The following ALG6 variants were observed in gnomAD, a reference collection of about 807,000 sequenced individuals.
ALG6 encodes the protein dolichyl pyrophosphate Man9GlcNAc2 alpha-1,3-glucosyltransferase.
ALG6 carries 46 observed loss-of-function variants against 66.6 expected under a neutral mutation model. The ratio of observed to expected loss-of-function variants is 0.69; its 90% CI spans 0.55 to 0.88. The LOEUF (loss-of-function observed/expected upper bound fraction) is 0.88. Among genes scored for constraint, ALG6 ranks in the 40% least tolerant of loss-of-function variants. The pLI is 0.00. For missense variants in ALG6, 505 were observed against 586.8 expected, an observed-to-expected ratio of 0.86 and a Z score of 1.44; for synonymous variants, 185 against 203.7, an observed-to-expected ratio of 0.91 and a Z score of 0.78.
intron 2 of ALG6, among the ~76,000 whole-genome samples, chr1:63,394,758 G>A (rs1648769979): frequency 6.6e-6 from 1 of 152,164 alleles, no homozygotes; most frequent in Non-Finnish European, 1.5e-5. Flanking sequence ...CATGGATTAT[G>A]GAGCCAGTCT....
chr1:63,399,152 C>T (rs977094018), intron 3 of ALG6, among the ~76,000 whole-genome samples: 1 of 152,130 alleles, frequency 6.6e-6, no homozygotes, highest in Non-Finnish European at 1.5e-5. Context: ...TGTTGGGAGC[C>T]ACTCTTGGCT....
chr1:63,400,119 G>A (rs1644439107), intron 3 of ALG6, among the ~76,000 whole-genome samples: 1 of 145,874 alleles, frequency 6.9e-6, no homozygotes, highest in African/African-American at 2.6e-5. Flanking sequence ...GCTTGAACCT[G>A]GGAGGCGGAG....
At chr1:63,406,499 GAGTAATT>G in intron 6 of ALG6, 100 bp downstream of exon 6, 1 of 994,936 alleles carries the variant, frequency 1.0e-6, no homozygotes, top group South Asian at 1.3e-5. Context: ...TTTGGAAAGA[GAGTAATT>G]AGGAATATTG....
At chr1:63,380,285 A>G (rs547383980) in intron 2 of ALG6, among the ~76,000 whole-genome samples, 1 of 152,314 alleles carries the variant, frequency 6.6e-6, no homozygotes, top group South Asian at 2.1e-4. Flanking sequence ...CCAGACTGTA[A>G]TGAACTGAGG....
At chr1:63,430,589 A>AG (rs2100442277) in intron 14 of ALG6, among the ~76,000 whole-genome samples, 1 of 152,264 alleles carries the variant, frequency 6.6e-6, no homozygotes, top group Admixed American at 6.5e-5. Flanking sequence ...TAACCATCCT[A>AG]GTGGGTGTGA....
At chr1:63,402,463 T>A in intron 4 of ALG6, 120 bp downstream of exon 4, 6 of 358,552 alleles carry the variant, frequency 1.7e-5, no homozygotes, top group African/African-American at 2.4e-5. Flanking sequence ...CTATTGTATT[T>A]TTTTTTTTTT....
intron 12 of ALG6, among the ~76,000 whole-genome samples, chr1:63,420,122 T>C (rs1029296170): frequency 6.6e-6 from 1 of 152,146 alleles, no homozygotes; most frequent in Non-Finnish European, 1.5e-5. Flanking sequence ...CAATGACAAA[T>C]GGCAGGCAGT....
chr1:63,392,131 T>G (rs566390764), intron 2 of ALG6, among the ~76,000 whole-genome samples: 1 of 152,310 alleles, frequency 6.6e-6, no homozygotes, highest in East Asian at 1.9e-4. Flanking sequence ...CTGCTTAGTT[T>G]CTTTCTACTT....
In ALG6 at chr1:63,437,067, A is replaced by T. The variant is rs372767276; in HGVS notation, c.*47A>T. The stretch of plus-strand genomic sequence containing the variant: ...TTCCTAAACAAATGTGAAAATGTGA[A>T]CAGTGCTGAAAGGTTTTGTGAACTT... On this transcript the variant is annotated 3_prime_UTR_variant, in exon 15 of 15. Transcript: ENST00000263440. The T allele has an allele frequency of 2.1e-4, 331 of 1,549,158 alleles. 1 individual carries two copies. Among genetic ancestry groups the T allele is most frequent in the Middle Eastern group, 1.7e-4 (1 of 5,842 alleles).
chr1:63,371,258 A>T, intron 2 of ALG6, 199 bp downstream of exon 2: 1 of 567,736 alleles, frequency 1.8e-6, no homozygotes, highest in Non-Finnish European at 3.1e-6. Context: ...GCGCTTTGTG[A>T]TGTGAGAAAG....
At chr1:63,403,524 C>T (rs902491148) in intron 4 of ALG6, among the ~76,000 whole-genome samples, 1 of 152,152 alleles carries the variant, frequency 6.6e-6, no homozygotes, top group African/African-American at 2.4e-5. Context: ...ATTTGAGGAA[C>T]CTCTTCACAA....
At chr1:63,369,595 C>T (rs948175217) in intron 1 of ALG6, among the ~76,000 whole-genome samples, 1 of 151,226 alleles carries the variant, frequency 6.6e-6, no homozygotes, top group Non-Finnish European at 1.5e-5. Context: ...TGCCATTGTA[C>T]TCCAGCCTGG....
intron 2 of ALG6, among the ~76,000 whole-genome samples, chr1:63,393,135 A>G (rs1648720520): frequency 6.6e-6 from 1 of 152,158 alleles, no homozygotes; most frequent in African/African-American, 2.4e-5. Flanking sequence ...ATAAAAAGGA[A>G]AGTCAACTCC....
intron 2 of ALG6, among the ~76,000 whole-genome samples, chr1:63,390,663 C>T (rs768902423): frequency 4.6e-5 from 7 of 152,172 alleles, no homozygotes; most frequent in Non-Finnish European, 1.0e-4. Context: ...CTATCTGGAA[C>T]TCAGGTTCCT....
chr1:63,369,662 A>G (rs1647844534), intron 1 of ALG6, among the ~76,000 whole-genome samples: 1 of 151,934 alleles, frequency 6.6e-6, no homozygotes, highest in South Asian at 2.1e-4. Flanking sequence ...ATAAAATAAA[A>G]TAATTTTAGA....
chr1:63,401,862 C>T (rs1644466796), intron 3 of ALG6, among the ~76,000 whole-genome samples: 1 of 152,110 alleles, frequency 6.6e-6, no homozygotes, highest in South Asian at 2.1e-4. Flanking sequence ...GTATATATTT[C>T]CTTCACATTC....
chr1:63,421,788 C>T (rs1196425434), intron 12 of ALG6, among the ~76,000 whole-genome samples: 1 of 151,632 alleles, frequency 6.6e-6, no homozygotes, highest in African/African-American at 2.4e-5. Context: ...AAACCAAACA[C>T]CACGTGTTCT....
intron 11 of ALG6, among the ~76,000 whole-genome samples, chr1:63,416,207 A>C (rs1644545426): frequency 6.6e-6 from 1 of 152,232 alleles, no homozygotes; most frequent in Admixed American, 6.5e-5. Flanking sequence ...AGTAGAAAAC[A>C]GTGGCAATGA....
intron 2 of ALG6, among the ~76,000 whole-genome samples, chr1:63,392,753 A>G (rs1421799452): frequency 1.3e-5 from 2 of 152,206 alleles, no homozygotes; most frequent in African/African-American, 4.8e-5. Flanking sequence ...TGTAGAATTA[A>G]GCACTGTGGA....
Sources: allele counts gnomAD v4.1 joint callset (sites outside exome capture counted in the v4.1 genomes callset), GRCh38; gene constraint gnomAD v4.1.1; transcripts MANE v1.5; gene names NCBI Gene and HGNC (gene_info 2026-07-23, HGNC 2026-07-21).